The following SSBP3 variants were observed in gnomAD, a reference collection of about 807,000 sequenced individuals.
The protein encoded by SSBP3 is single-stranded DNA-binding protein 3.
SSBP3 carries 5 observed loss-of-function variants against 69.6 expected under a neutral mutation model. That is an observed-to-expected ratio of 0.07 (90% CI 0.04 to 0.15). The LOEUF (loss-of-function observed/expected upper bound fraction) is 0.15. Among genes scored for constraint, SSBP3 ranks in the 10% least tolerant of loss-of-function variants. SSBP3 has a pLI of 1.00. For synonymous variants in SSBP3, 196 were observed against 193.4 expected, an observed-to-expected ratio of 1.01 and a Z score of -0.11; for missense variants, 312 against 534.0, an observed-to-expected ratio of 0.58 and a Z score of 4.10.
chr1:54,364,086 T>C (rs558696037), intron 4 of SSBP3, among the ~76,000 whole-genome samples: 7 of 152,358 alleles, frequency 4.6e-5, no homozygotes, highest in Admixed American at 1.3e-4. Context: ...AGAGCTTAGG[T>C]TGGCAAACCA....
At chr1:54,257,983 T>G in intron 6 of SSBP3, 86 bp downstream of exon 6, 23 of 1,309,270 alleles carry the variant, frequency 1.8e-5, no homozygotes, top group Non-Finnish European at 2.4e-5. Flanking sequence ...CTAGAGCACA[T>G]TTTGATTTTT....
exon 7 of SSBP3, chr1:54,257,166 G>A (rs759811105): frequency 3.2e-5 from 52 of 1,602,564 alleles, no homozygotes; most frequent in Middle Eastern, 1.6e-4. Context: ...GGCCGCCTGC[G>A]TATCGCGGTG....
At chr1:54,327,947 T>C (rs1195489350) in intron 4 of SSBP3, among the ~76,000 whole-genome samples, 1 of 152,114 alleles carries the variant, frequency 6.6e-6, no homozygotes, top group Non-Finnish European at 1.5e-5. Context: ...ATATACCAAA[T>C]ATAGTTCCGT....
intron 4 of SSBP3, among the ~76,000 whole-genome samples, chr1:54,384,561 G>A (rs145959927): frequency 1.3e-5 from 2 of 152,382 alleles, no homozygotes; most frequent in Non-Finnish European, 2.9e-5. Context: ...ATTATGTGAT[G>A]TCTAAACTGA....
Position 54,258,242 on chromosome 1 carries a change from A to C in SSBP3, c.367-93T>G, listed in dbSNP as rs1309854964. ...AAGAACAAAAATTAAACCAAAACGA[A>C]GGGTGGGCGGCGGGCGTGCGGGGGG... On this transcript the variant is annotated intron_variant, in intron 5 of 17. Coordinates refer to ENST00000610401, the Ensembl canonical transcript of SSBP3. This position sits in a 1 kb window ranked among gnomAD's most constrained non-coding sequence, Gnocchi z 4.5. 374 of 306,436 alleles carry C rather than the reference A, an allele frequency of 1.2e-3. No homozygotes were observed. The highest frequency in any genetic ancestry group is 2.5e-3 in the Middle Eastern group (4 of 1,600). 19.0% of individuals were successfully genotyped at this position (306,436 alleles called of 1,614,324 possible). A position where few individuals can be genotyped will look rare whatever the true frequency, so the allele number is the denominator to read the frequency against.
chr1:54,379,166 A>G (rs1475492130), intron 4 of SSBP3, among the ~76,000 whole-genome samples: 3 of 152,280 alleles, frequency 2.0e-5, no homozygotes, highest in African/African-American at 4.8e-5. Context: ...AGTGTCAGCC[A>G]GTAACAGACA....
chr1:54,375,300 G>A (rs1282307936), intron 4 of SSBP3, among the ~76,000 whole-genome samples: 1 of 152,180 alleles, frequency 6.6e-6, no homozygotes, highest in Non-Finnish European at 1.5e-5. Context: ...AAACCACCTA[G>A]GGGAATTTAT....
intron 13 of SSBP3, among the ~76,000 whole-genome samples, chr1:54,240,201 G>A (rs991789062): frequency 7.2e-5 from 11 of 151,800 alleles, no homozygotes; most frequent in African/African-American, 9.7e-5. Context: ...GCTCATGCCT[G>A]TAATCCCAGC....
intron 7 of SSBP3, among the ~76,000 whole-genome samples, chr1:54,252,351 G>T (rs1395698098): frequency 2.0e-5 from 3 of 152,240 alleles, no homozygotes; most frequent in African/African-American, 7.2e-5. Flanking sequence ...ATCGCTGTGG[G>T]AAGCCCCATT....
chr1:54,238,699 T>TC (rs1644546065), intron 14 of SSBP3: 1 of 303,716 alleles, frequency 3.3e-6, no homozygotes, highest in African/African-American at 2.2e-5. Flanking sequence ...GGCAGGCGGG[T>TC]CCCCCAGCGA....
intron 4 of SSBP3, among the ~76,000 whole-genome samples, chr1:54,294,112 C>T (rs1386097409): frequency 3.2e-5 from 4 of 123,334 alleles, no homozygotes; most frequent in Non-Finnish European, 6.3e-5. Flanking sequence ...CACTGCACTC[C>T]AGCTGGGGTG....
At chr1:54,288,543 G>T (rs1389911652) in intron 4 of SSBP3, among the ~76,000 whole-genome samples, 1 of 138,956 alleles carries the variant, frequency 7.2e-6, no homozygotes, top group Non-Finnish European at 1.5e-5. Flanking sequence ...AGGGGCTGGA[G>T]AAGTGCCTGC....
In SSBP3 at chr1:54,229,543, G is replaced by A. The variant is rs151311138; in HGVS notation, c.928-717C>T. Among the ~76,000 whole-genome samples the A allele has an allele frequency of 1.3e-3, 192 of 152,280 alleles. No individual in the cohort carries two copies. In the Middle Eastern group the frequency reaches 0.014, roughly 11 times the overall value. Reference sequence around the variant, plus strand: ...AGGTCACTGATGAGGCTCCCATGCAGAACTGTTGGTGTGGCAGATGAGGGC... The same window carrying A: ...AGGTCACTGATGAGGCTCCCATGCAAAACTGTTGGTGTGGCAGATGAGGGC... On this transcript the variant is annotated intron_variant, in intron 14 of 17. Transcript: ENST00000610401.
At chr1:54,233,456 C>T (rs1644422125) in intron 14 of SSBP3, among the ~76,000 whole-genome samples, 1 of 151,764 alleles carries the variant, frequency 6.6e-6, no homozygotes, top group South Asian at 2.1e-4. Context: ...AGGAGCGTCT[C>T]CGGCTGGCAG....
exon 18 of SSBP3, chr1:54,225,505 ACTTT>A (rs1644272094): frequency 1.8e-6 from 2 of 1,098,446 alleles, no homozygotes; most frequent in Non-Finnish European, 2.3e-6. Flanking sequence ...TATCATAATT[ACTTT>A]TTTTTCCTCT....
intron 4 of SSBP3, among the ~76,000 whole-genome samples, chr1:54,396,630 C>G (rs578215010): frequency 1.3e-5 from 2 of 152,266 alleles, no homozygotes; most frequent in African/African-American, 4.8e-5. Flanking sequence ...GTGGGGAGAG[C>G]TGGGTATCTC....
chr1:54,380,454 G>C (rs982564334), intron 4 of SSBP3, among the ~76,000 whole-genome samples: 10 of 152,236 alleles, frequency 6.6e-5, no homozygotes, highest in Non-Finnish European at 1.3e-4. Flanking sequence ...TTCTGTCCTC[G>C]TGGAAAGAAC....
At chr1:54,239,091 TG>T (rs1557446908) in intron 14 of SSBP3, 37 bp downstream of exon 14, 1 of 1,543,270 alleles carries the variant, frequency 6.5e-7, no homozygotes, top group Admixed American at 1.7e-5. Flanking sequence ...TGATTTGTTA[TG>T]GTGTCTGATA....
At chr1:54,329,897 G>T (rs1285817596) in intron 4 of SSBP3, among the ~76,000 whole-genome samples, 3 of 152,156 alleles carry the variant, frequency 2.0e-5, no homozygotes, top group African/African-American at 7.2e-5. Flanking sequence ...AGGAACACTG[G>T]ACTGCTTTTG....
Sources: allele counts gnomAD v4.1 joint callset (sites outside exome capture counted in the v4.1 genomes callset), GRCh38; gene constraint gnomAD v4.1.1; non-coding constraint Gnocchi (gnomAD v3.1); transcripts MANE v1.5; gene names NCBI Gene and HGNC (gene_info 2026-07-23, HGNC 2026-07-21).